The following PTPRD variants were observed in gnomAD, a reference collection of about 807,000 sequenced individuals.
The protein encoded by PTPRD is protein tyrosine phosphatase receptor type D.
PTPRD carries 34 observed loss-of-function variants against 214.5 expected under a neutral mutation model. The ratio of observed to expected loss-of-function variants is 0.16; its 90% CI spans 0.12 to 0.21. The LOEUF (loss-of-function observed/expected upper bound fraction) is 0.21, where lower values mean the gene tolerates loss of function less well. PTPRD is among the 10% of genes least tolerant of loss of function. The pLI is 1.00. For synonymous variants in PTPRD, 1,128 were observed against 845.7 expected (o/e 1.33, Z -5.79); for missense variants, 2,545 against 2,398.7 (o/e 1.06, Z -1.27).
At chr9:10,208,833 G>A (rs954884327) in intron 3 of PTPRD, among the ~76,000 whole-genome samples, 2 of 152,096 alleles carry the variant, frequency 1.3e-5, no homozygotes, top group Admixed American at 6.6e-5. Context: ...TTAAGTGTGG[G>A]CAGGTAGATG....
At chr9:9,132,165 A>T (rs897727861) in intron 10 of PTPRD, among the ~76,000 whole-genome samples, 5 of 151,762 alleles carry the variant, frequency 3.3e-5, no homozygotes, top group Non-Finnish European at 7.4e-5. Flanking sequence ...CCGCCACCAT[A>T]CCTGGCTAAT....
intron 14 of PTPRD, among the ~76,000 whole-genome samples, chr9:8,552,759 G>T (rs1419038731): frequency 6.6e-6 from 1 of 152,168 alleles, no homozygotes; most frequent in East Asian, 1.9e-4. Context: ...GATTGATAAT[G>T]ACCATAAATT....
chr9:9,983,409 A>G (rs2095608728), intron 4 of PTPRD, among the ~76,000 whole-genome samples: 1 of 152,366 alleles, frequency 6.6e-6, no homozygotes, highest in South Asian at 2.1e-4. Context: ...AAAAGATGGG[A>G]AAAACAGAAC....
intron 2 of PTPRD, among the ~76,000 whole-genome samples, chr9:10,342,995 T>A (rs991671289): frequency 6.6e-6 from 1 of 152,200 alleles, no homozygotes; most frequent in Non-Finnish European, 1.5e-5. Context: ...TTATTTTTTA[T>A]ACTTTAAGTT....
At chr9:8,968,551 T>C (rs1295588549) in intron 11 of PTPRD, among the ~76,000 whole-genome samples, 2 of 152,102 alleles carry the variant, frequency 1.3e-5, no homozygotes, top group African/African-American at 4.8e-5. Flanking sequence ...CTTTTCTCAG[T>C]GTTATTTATG....
chr9:8,911,826 AAAC>A (rs1276333830), intron 11 of PTPRD, among the ~76,000 whole-genome samples: 1 of 152,210 alleles, frequency 6.6e-6, no homozygotes, highest in African/African-American at 2.4e-5. Context: ...TCAATAAGAT[AAAC>A]AACTCAATTA....
chr9:8,477,152 T>G (rs1462766356), intron 30 of PTPRD, among the ~76,000 whole-genome samples: 2 of 152,096 alleles, frequency 1.3e-5, no homozygotes, highest in Non-Finnish European at 2.9e-5. Context: ...CTTTTGGAGC[T>G]AGCTTTATAT....
At chr9:9,426,707 G>T (rs886821353) in intron 8 of PTPRD, among the ~76,000 whole-genome samples, 1 of 152,154 alleles carries the variant, frequency 6.6e-6, no homozygotes, top group Non-Finnish European at 1.5e-5. Context: ...CTGAGACGAG[G>T]CTTCCAGAAG....
At chr9:9,880,898 G>T (rs926325803) in intron 5 of PTPRD, among the ~76,000 whole-genome samples, 1 of 151,860 alleles carries the variant, frequency 6.6e-6, no homozygotes, top group Non-Finnish European at 1.5e-5. Context: ...TTTTATTTTG[G>T]AAAATAATTA....
chr9:9,842,840 T>G (rs2058661333), intron 5 of PTPRD, among the ~76,000 whole-genome samples: 1 of 152,064 alleles, frequency 6.6e-6, no homozygotes, highest in African/African-American at 2.4e-5. Flanking sequence ...AGTGGATTTT[T>G]TTTTGCATGT....
intron 12 of PTPRD, 88 bp downstream of exon 12, chr9:8,733,692 G>C: frequency 7.6e-7 from 1 of 1,318,984 alleles, no homozygotes; most frequent in East Asian, 2.5e-5. Flanking sequence ...CAAAGGAAAT[G>C]TATTCAGAGG....
chr9:9,334,087 C>A lies in PTPRD; in HGVS notation c.-203+63362G>T, dbSNP rs536399620. Reference sequence around the variant, plus strand: ...GAAAGAAAATGCCTAAGTGTATATGCCCGTAATGTATACTTCATATTAAGT... The same window carrying A: ...GAAAGAAAATGCCTAAGTGTATATGACCGTAATGTATACTTCATATTAAGT... On this transcript the variant is annotated intron_variant, in intron 9 of 45. Coordinates refer to ENST00000381196, the MANE Select transcript of PTPRD (RefSeq NM_002839.4). 1.8e-3 allele frequency among the ~76,000 whole-genome samples: 277 copies of A among 151,848 alleles called. 2 individuals carry two copies. The highest frequency in any genetic ancestry group is 2.9e-3 in the Non-Finnish European group (197 of 67,884).
chr9:9,539,778 A>C (rs891863719), intron 8 of PTPRD, among the ~76,000 whole-genome samples: 2 of 151,908 alleles, frequency 1.3e-5, no homozygotes, highest in African/African-American at 4.8e-5. Flanking sequence ...GCTTTGGTTC[A>C]GCATATAGGA....
At chr9:8,801,423 C>T (rs1054211288) in intron 11 of PTPRD, among the ~76,000 whole-genome samples, 11 of 152,156 alleles carry the variant, frequency 7.2e-5, no homozygotes, top group African/African-American at 2.4e-4. Context: ...ATAAGGGTTG[C>T]CCATCAAACC....
chr9:9,815,450 T>A (rs1042968693), intron 5 of PTPRD, among the ~76,000 whole-genome samples: 7 of 152,116 alleles, frequency 4.6e-5, no homozygotes, highest in African/African-American at 1.7e-4. Flanking sequence ...TTGAAATTGA[T>A]CTGGGAAATG....
chr9:8,921,517 A>G (rs2098827834), intron 11 of PTPRD, among the ~76,000 whole-genome samples: 2 of 151,728 alleles, frequency 1.3e-5, no homozygotes, highest in Non-Finnish European at 2.9e-5. Flanking sequence ...TTTTTGAGAC[A>G]GAGTCTCACT....
In PTPRD at chr9:8,675,175, C is replaced by T. The variant is rs544537282; in HGVS notation, c.65-38331G>A. ...ACATGCTTGAGATCCGCAGTTGATT[C>T]CACCCGGGTTTGAAATCTGGCTCCC... On this transcript the variant is annotated intron_variant, in intron 12 of 45. Transcript: ENST00000381196. 1.2e-3 allele frequency among the ~76,000 whole-genome samples: 188 copies of T among 152,104 alleles called. 1 individual carries two copies. The highest frequency in any genetic ancestry group is 1.8e-3 in the Admixed American group (27 of 15,284).
intron 9 of PTPRD, among the ~76,000 whole-genome samples, chr9:9,363,530 G>GTGTAAT (rs1199077731): frequency 1.3e-5 from 2 of 151,360 alleles, no homozygotes; most frequent in Non-Finnish European, 3.0e-5. Context: ...TAGAACATTG[G>GTGTAAT]TGTAGTTTCA....
chr9:9,907,641 G>A (rs986321892), intron 5 of PTPRD, among the ~76,000 whole-genome samples: 21 of 151,872 alleles, frequency 1.4e-4, no homozygotes, highest in African/African-American at 4.8e-4. Flanking sequence ...TCACATTGGG[G>A]ATTAGGGCTT....
Sources: gnomAD v4.1 joint callset for allele counts (sites outside exome capture counted in the v4.1 genomes callset) on GRCh38, gnomAD v4.1.1 for gene constraint, MANE v1.5 for transcripts, NCBI Gene and HGNC (gene_info 2026-07-23, HGNC 2026-07-21) for gene names.